Variants in AGTRAP observed in about 807,000 individuals in gnomAD.
The protein encoded by AGTRAP is angiotensin II receptor associated protein.
In AGTRAP, 7 loss-of-function variants were observed where a neutral mutation model predicts 15.2. That is an observed-to-expected ratio of 0.46 (90% CI 0.26 to 0.87). The LOEUF (loss-of-function observed/expected upper bound fraction) is 0.87, where lower values mean the gene tolerates loss of function less well. AGTRAP is among the 40% of genes least tolerant of loss of function. AGTRAP has a pLI of 0.15. For synonymous variants in AGTRAP, 74 were observed against 89.6 expected (o/e 0.83, Z 0.98); for missense variants, 187 against 213.4 (o/e 0.88, Z 0.77).
rs1642243405 is a variant in AGTRAP at position 11,748,894 on chromosome 1, G to GCCC, written c.364+284_364+285insCCC. Among the ~76,000 whole-genome samples, 3 of 152,170 alleles carry GCCC rather than the reference G, an allele frequency of 2.0e-5. No individual in the cohort carries two copies. In the South Asian group the frequency reaches 6.2e-4, roughly 32 times the overall value. On this transcript the variant is annotated intron_variant, in intron 4 of 4. Transcript: ENST00000314340. ...GCCCAGAACACAGGCACAGCTGGGG[G>GCCC]TACCATTTAGTTCCCAGGGGCAGCC...
At chr1:11,737,440 G>T (rs1233370932) in intron 1 of AGTRAP, among the ~76,000 whole-genome samples, 1 of 152,232 alleles carries the variant, frequency 6.6e-6, no homozygotes, top group African/African-American at 2.4e-5. Context: ...TGCTGACAGA[G>T]GATCAGGTGA....
In AGTRAP at chr1:11,736,618, C is replaced by A. The variant is rs577996663; in HGVS notation, c.27+383C>A. On this transcript the variant is annotated intron_variant, in intron 1 of 4. Coordinates refer to ENST00000314340, the MANE Select transcript of AGTRAP (RefSeq NM_020350.5). ...GCGGCTCACCTCCCCCGCGCGGGGTCAGGGACTGGGCTTGCCCCCCGGGTC... is the reference window on the plus strand; with the variant it reads ...GCGGCTCACCTCCCCCGCGCGGGGTAAGGGACTGGGCTTGCCCCCCGGGTC... Among the ~76,000 whole-genome samples, 6 of 152,310 alleles carry A rather than the reference C, an allele frequency of 3.9e-5. No individual in the cohort carries two copies. In the South Asian group the frequency reaches 1.0e-3, roughly 26 times the overall value.
In AGTRAP at chr1:11,736,168, C is replaced by T. The variant is rs377294580; in HGVS notation, c.-41C>T. Reference sequence around the variant, plus strand: ...TTCCCCGAGTTCGGAGCCTAGGAGCCCCCCGCGGCTGCGGCGCAGGTGCCC... The same window carrying T: ...TTCCCCGAGTTCGGAGCCTAGGAGCTCCCCGCGGCTGCGGCGCAGGTGCCC... On this transcript the variant is annotated 5_prime_UTR_variant, in exon 1 of 5. Coordinates refer to ENST00000314340, the MANE Select transcript of AGTRAP (RefSeq NM_020350.5). 6.4e-5 allele frequency: 101 copies of T among 1,586,784 alleles called. No homozygotes were observed. The highest frequency in any genetic ancestry group is 2.7e-4 in the East Asian group (12 of 44,074).
intron 1 of AGTRAP, among the ~76,000 whole-genome samples, chr1:11,737,308 G>T (rs536733513): frequency 5.1e-4 from 77 of 152,330 alleles, no homozygotes; most frequent in Non-Finnish European, 8.5e-4. Flanking sequence ...GGAACGTTCA[G>T]CTGGGAAGAA....
At position 11,748,483 on chromosome 1, in the gene AGTRAP, C is replaced by T; in HGVS notation, c.237C>T (p.Val79=). The part of the protein sequence containing the change: ...IVHISIFYPR[V]SLTDTGRFGV... Reference sequence around the variant, plus strand: ...ACATCAGCATCTTCTACCCGCGGGTCAGCCTCACGGACACGGGCCGCTTTG... The same window carrying T: ...ACATCAGCATCTTCTACCCGCGGGTTAGCCTCACGGACACGGGCCGCTTTG... Residue 79 remains valine (V), a synonymous_variant, in exon 4 of 5, where the codon GTC becomes GTT. Transcript: ENST00000314340. 1.2e-6 allele frequency: 2 copies of T among 1,613,764 alleles called. No homozygotes were observed. The highest frequency in any genetic ancestry group is 8.5e-7 in the Non-Finnish European group (1 of 1,180,018).
In AGTRAP at chr1:11,750,610, C is replaced by A. The variant is rs367931219; in HGVS notation, c.*418C>A. On this transcript the variant is annotated 3_prime_UTR_variant, in exon 5 of 5. Transcript: ENST00000314340. ...TTCAGGTCCTGCTCAGCCCGAGGAG[C>A]AGTCTGGCATGGGAGTGAGGCCCCG... The A allele has an allele frequency of 5.1e-4, 215 of 425,090 alleles. 5 individuals are homozygous for A. Among genetic ancestry groups the A allele is most frequent in the East Asian group, 3.4e-3 (80 of 23,452 alleles). The allele number at this position is 425,090 out of a possible 1,614,324, so 26.3% of individuals were successfully genotyped here.
chr1:11,750,353 A>G lies in AGTRAP; in HGVS notation c.*161A>G. ...GGCCAGGAGCCCCCATGGGCCGCCCAGTACCATGCACACTCCTGTCCCGAA... is the reference window on the plus strand; with the variant it reads ...GGCCAGGAGCCCCCATGGGCCGCCCGGTACCATGCACACTCCTGTCCCGAA... On this transcript the variant is annotated 3_prime_UTR_variant, in exon 5 of 5. Transcript: ENST00000314340. 2.8e-6 allele frequency: 2 copies of G among 712,000 alleles called. No individual in the cohort carries two copies. The highest frequency in any genetic ancestry group is 5.0e-6 in the Non-Finnish European group (2 of 399,252). The allele number at this position is 712,000 out of a possible 1,614,324, so 44.1% of individuals were successfully genotyped here.
chr1:11,748,758 T>C, intron 4 of AGTRAP, 148 bp downstream of exon 4: 4 of 945,294 alleles, frequency 4.2e-6, no homozygotes, highest in South Asian at 3.6e-5. Flanking sequence ...TGTACTAGGC[T>C]GGACAGGTCC....
chr1:11,744,691 AGAGAGG>A, intron 1 of AGTRAP: 1 of 606,250 alleles, frequency 1.6e-6, no homozygotes, highest in Non-Finnish European at 3.0e-6. Flanking sequence ...CCAGACCCCA[AGAGAGG>A]GTTCTTGGAT....
intron 2 of AGTRAP, 118 bp from the exon 3 acceptor site, chr1:11,747,322 C>T (rs575749296): frequency 1.3e-3 from 1,180 of 892,664 alleles, no homozygotes; most frequent in Non-Finnish European, 1.9e-3. Flanking sequence ...GGCACACAGC[C>T]GGGTGGCCTC....
rs764388746 is a variant in AGTRAP at position 11,747,500 on chromosome 1, C to A, written c.123C>A (p.Gly41=). The A allele has an allele frequency of 4.3e-6, 7 of 1,614,122 alleles. No individual in the cohort carries two copies. In the South Asian group the frequency reaches 5.5e-5, roughly 13 times the overall value. The change falls in exon 3 of 5, where the codon GGC becomes GGA. Residue 41 remains glycine, a synonymous_variant. Coordinates refer to ENST00000314340, the MANE Select transcript of AGTRAP (RefSeq NM_020350.5). ...AWANFTILAL[G]VWAVAQRDSI... is the part of the protein sequence containing the mutation. Reference sequence around the variant, plus strand: ...CCAACTTCACCATCCTGGCCTTGGGCGTGTGGGCTGTGGCTCAGCGGGACT... The same window carrying A: ...CCAACTTCACCATCCTGGCCTTGGGAGTGTGGGCTGTGGCTCAGCGGGACT...
rs1642295089 is a variant in AGTRAP, at chr1:11,750,551, A to C, written c.*359A>C. On this transcript the variant is annotated 3_prime_UTR_variant, in exon 5 of 5. Coordinates refer to ENST00000314340, the MANE Select transcript of AGTRAP (RefSeq NM_020350.5). ...GCTGATGCCCCCTCAGGCCTCCCCC[A>C]AGTTTGCTGGGCTTTGGTGGAAGCC... 2.0e-6 allele frequency: 1 copy of C among 502,248 alleles called. No individual in the cohort carries two copies. The highest frequency in any genetic ancestry group is 3.6e-6 in the Non-Finnish European group (1 of 279,962). The allele number at this position is 502,248 out of a possible 1,614,324, so 31.1% of individuals were successfully genotyped here.
At chr1:11,747,356 G>A in intron 2 of AGTRAP, 84 bp from the exon 3 acceptor site, 1 of 1,256,930 alleles carries the variant, frequency 8.0e-7, no homozygotes, top group East Asian at 2.3e-5. Flanking sequence ...TGTTCTGGGA[G>A]GAGGCCCTGA....
Position 11,750,211 on chromosome 1 carries a change from C to G in AGTRAP, c.*19C>G. 6.3e-7 allele frequency: 1 copy of G among 1,598,586 alleles called. No individual in the cohort carries two copies. Among genetic ancestry groups the G allele is most frequent in the African/African-American group, 1.3e-5 (1 of 74,414 alleles). On this transcript the variant is annotated 3_prime_UTR_variant, in exon 5 of 5. Transcript: ENST00000314340. ...GTACTGAAGCCAGCCACGCTGCGCC[C>G]GGCCCTGCCCCGGGCCTTCCTCGTG...
Position 11,750,260 on chromosome 1 carries a change from C to T in AGTRAP, c.*68C>T, listed in dbSNP as rs1274809602. ...TGCCTGGGAGGTCGTTCTAGGGATG[C>T]TCCTGACCTCCGTCTCTTGGACCTA... On this transcript the variant is annotated 3_prime_UTR_variant, in exon 5 of 5. Coordinates refer to ENST00000314340, the MANE Select transcript of AGTRAP (RefSeq NM_020350.5). 2 of 1,256,236 alleles carry T rather than the reference C, an allele frequency of 1.6e-6. No individual in the cohort carries two copies. Among genetic ancestry groups the T allele is most frequent in the Admixed American group, 3.8e-5 (2 of 52,570 alleles). 77.8% of individuals were successfully genotyped at this position (1,256,236 alleles called of 1,614,324 possible).
Position 11,745,601 on chromosome 1 carries a change from C to A in AGTRAP, c.28-202C>A, listed in dbSNP as rs1386134447. Among the ~76,000 whole-genome samples the A allele has an allele frequency of 6.6e-6, 1 of 152,170 alleles. No individual in the cohort carries two copies. The highest frequency in any genetic ancestry group is 1.5e-5 in the Non-Finnish European group (1 of 68,036). On this transcript the variant is annotated intron_variant, in intron 1 of 4. Transcript: ENST00000314340. The surrounding 1 kb of genome is among the most constrained non-coding windows in gnomAD (Gnocchi z 4.2). ...GGAGGGGTGAAGGCATGAAGCGGCC[C>A]CTCCCTGGCCTGGCCTGCTTTCTTC...
At chr1:11,737,607 T>A (rs1641930887) in intron 1 of AGTRAP, among the ~76,000 whole-genome samples, 1 of 151,864 alleles carries the variant, frequency 6.6e-6, no homozygotes, top group South Asian at 2.1e-4. Flanking sequence ...CCACGGGGAG[T>A]AAGTGGCAAT....
chr1:11,743,392 C>A (rs1642079250), intron 1 of AGTRAP, among the ~76,000 whole-genome samples: 1 of 151,176 alleles, frequency 6.6e-6, no homozygotes, highest in Non-Finnish European at 1.5e-5. Context: ...ATTACAGGTG[C>A]CCACCACCAT....
chr1:11,744,688 C>G (rs1323619090), intron 1 of AGTRAP: 1 of 607,414 alleles, frequency 1.6e-6, no homozygotes, highest in African/African-American at 1.9e-5. Context: ...AATCCAGACC[C>G]CAAGAGAGGG....
Sources: gnomAD v4.1 joint callset for allele counts (sites outside exome capture counted in the v4.1 genomes callset) on GRCh38, gnomAD v4.1.1 for gene constraint, Gnocchi (gnomAD v3.1) non-coding constraint, MANE v1.5 for transcripts, NCBI Gene and HGNC (gene_info 2026-07-23, HGNC 2026-07-21) for gene names.